SHOC1: variants seen among roughly 807,000 people sequenced by gnomAD.
SHOC1 encodes the protein protein shortage in chiasmata 1 ortholog.
SHOC1 carries 136 observed loss-of-function variants against 179.2 expected under a neutral mutation model. The ratio of observed to expected loss-of-function variants is 0.76; its 90% CI spans 0.66 to 0.87. The LOEUF is 0.87. Ranked by LOEUF, SHOC1 falls within the 40% of genes least tolerant of loss-of-function variation. The pLI is 0.00. For synonymous variants in SHOC1, 489 were observed against 586.6 expected (o/e 0.83, Z 2.41); for missense variants, 1,538 against 1,700.8 (o/e 0.90, Z 1.68).
chr9:111,706,301 GTA>G (rs1362493743), intron 20 of SHOC1, among the ~76,000 whole-genome samples: 1 of 152,050 alleles, frequency 6.6e-6, no homozygotes. Context: ...GGATATAAAT[GTA>G]ATAAAATTGT....
chr9:111,784,959 A>C (rs1008287237), intron 3 of SHOC1, among the ~76,000 whole-genome samples: 1 of 152,184 alleles, frequency 6.6e-6, no homozygotes, highest in Non-Finnish European at 1.5e-5. Flanking sequence ...ACAAACATTC[A>C]GTCTATTGCA....
Position 111,727,891 on chromosome 9 carries a change from T to C in SHOC1, c.1576A>G (p.Lys526Glu). Residue 526 changes from lysine to glutamate, a missense_variant, in exon 13 of 28, where the codon AAA (lysine) becomes GAA (glutamate). Coordinates refer to ENST00000682961, the MANE Select transcript of SHOC1 (RefSeq NM_001378211.1). ...TGGTCATTCTTTGGTTTTTCTTCTT[T>C]TGCTGCTCCTTTATCAGAGAAATAG... ...DDYFSDKGAA[K>E]EEKPKNDQEP... 1 of 1,613,178 alleles carries C rather than the reference T, an allele frequency of 6.2e-7. No homozygotes were observed. The highest frequency in any genetic ancestry group is 2.2e-5 in the East Asian group (1 of 44,774).
intron 3 of SHOC1, among the ~76,000 whole-genome samples, chr9:111,781,444 G>A (rs948213556): frequency 6.6e-6 from 1 of 152,092 alleles, no homozygotes; most frequent in Non-Finnish European, 1.5e-5. Context: ...AATTGTAGGC[G>A]GCACGTAGTG....
intron 2 of SHOC1, among the ~76,000 whole-genome samples, chr9:111,790,787 C>G (rs1180784262): frequency 6.6e-6 from 1 of 152,110 alleles, no homozygotes; most frequent in Non-Finnish European, 1.5e-5. Context: ...ACCTCATGAT[C>G]CACCCGCCTC....
intron 22 of SHOC1, among the ~76,000 whole-genome samples, chr9:111,703,148 A>G (rs1832063386): frequency 6.6e-6 from 1 of 152,212 alleles, no homozygotes; most frequent in South Asian, 2.1e-4. Flanking sequence ...TGCCAAACAG[A>G]AAAATATTGT....
intron 1 of SHOC1, among the ~76,000 whole-genome samples, chr9:111,793,476 T>C (rs573065900): frequency 6.9e-4 from 105 of 152,322 alleles, no homozygotes; most frequent in Non-Finnish European, 1.3e-3. Flanking sequence ...AGATGCCATA[T>C]GTTATATACA....
At position 111,722,444 on chromosome 9, in the gene SHOC1, T is replaced by A; in HGVS notation, c.2096A>T (p.Glu699Val). ...AGCATCACTTACTACTTTTTCTTGT[T>A]CCTTTAAGAGAAACCTTGTTTGGTC... is the stretch of plus-strand genomic sequence containing the variant. ...IFDQTRFLLKEQEKVVSDAVR... is the reference protein window; with the variant it reads ...IFDQTRFLLKVQEKVVSDAVR... The change falls in exon 15 of 28, where the codon GAA becomes GTA. Residue 699 changes from glutamate to valine, a missense_variant. Coordinates refer to ENST00000682961, the MANE Select transcript of SHOC1 (RefSeq NM_001378211.1). 6.2e-7 allele frequency: 1 copy of A among 1,608,686 alleles called. No homozygotes were observed.
rs371045237 is a variant in SHOC1 at position 111,741,531 on chromosome 9, G to A, written c.1119C>T (p.Tyr373=). Residue 373 remains tyrosine, a synonymous_variant, in exon 11 of 28, where the codon TAC becomes TAT. Transcript: ENST00000682961. ...TACATCTTTCTAATTGCCACATCAT[G>A]TAGTATTCATTAGCTGATTCTTCAG... ...LTAEESANEY[Y]MMWQLERCRS... is the part of the protein sequence containing the mutation. The A allele has an allele frequency of 6.2e-6, 10 of 1,611,762 alleles. No individual in the cohort carries two copies. The highest frequency in any genetic ancestry group is 8.5e-6 in the Non-Finnish European group (10 of 1,178,844).
At chr9:111,776,058 A>G (rs533504659) in intron 4 of SHOC1, 83 bp from the exon 5 acceptor site, 1 of 1,021,440 alleles carries the variant, frequency 9.8e-7, no homozygotes, top group South Asian at 1.5e-5. Flanking sequence ...TCCACTGTGG[A>G]AAAAATTATC....
intron 8 of SHOC1, among the ~76,000 whole-genome samples, chr9:111,754,335 A>G (rs1340881462): frequency 6.6e-6 from 1 of 152,218 alleles, no homozygotes; most frequent in Non-Finnish European, 1.5e-5. Flanking sequence ...AAGAAGATAT[A>G]CAAATAGCCA....
intron 18 of SHOC1, among the ~76,000 whole-genome samples, chr9:111,709,795 A>G (rs1832456340): frequency 6.6e-6 from 1 of 152,192 alleles, no homozygotes; most frequent in African/African-American, 2.4e-5. Flanking sequence ...CAAAGGATAA[A>G]TGCTTGAGGG....
At chr9:111,794,666 T>C (rs35339685) in intron 1 of SHOC1, among the ~76,000 whole-genome samples, 8,148 of 152,240 alleles carry the variant, frequency 0.054, 519 homozygotes, top group African/African-American at 0.15. Context: ...CAACTTCTAG[T>C]TGATGGGCTG....
chr9:111,731,715 C>T (rs1833577424), intron 12 of SHOC1, among the ~76,000 whole-genome samples: 1 of 152,070 alleles, frequency 6.6e-6, no homozygotes, highest in Non-Finnish European at 1.5e-5. Flanking sequence ...AAAGTGAGCA[C>T]ATGTTCTTCA....
At chr9:111,730,781 G>C (rs1833529846) in intron 12 of SHOC1, among the ~76,000 whole-genome samples, 4 of 152,162 alleles carry the variant, frequency 2.6e-5, no homozygotes. Context: ...AGGAGTGTCA[G>C]CCTGCCCTTT....
chr9:111,707,097 A>G (rs1357175803), intron 19 of SHOC1, among the ~76,000 whole-genome samples: 2 of 152,086 alleles, frequency 1.3e-5, no homozygotes, highest in African/African-American at 4.8e-5. Flanking sequence ...ATCTTAGATA[A>G]TTACATAATA....
chr9:111,794,010 C>T (rs1836538605), intron 1 of SHOC1, among the ~76,000 whole-genome samples: 1 of 151,498 alleles, frequency 6.6e-6, no homozygotes, highest in Non-Finnish European at 1.5e-5. Flanking sequence ...TGCCACCATG[C>T]CCGGCTAATT....
intron 16 of SHOC1, among the ~76,000 whole-genome samples, chr9:111,715,379 T>G (rs1475313755): frequency 6.6e-6 from 1 of 152,182 alleles, no homozygotes; most frequent in East Asian, 1.9e-4. Flanking sequence ...ATGTACAAGT[T>G]TTATGTATGT....
rs550947333 is a variant in SHOC1, at chr9:111,762,167, C to T, written c.443-3319G>A. On this transcript the variant is annotated intron_variant, in intron 5 of 27. Coordinates refer to ENST00000682961, the MANE Select transcript of SHOC1 (RefSeq NM_001378211.1). ...TGCTTTTGTCTAGCACGGTGGCTCA[C>T]ACCTGTAATCCCAGCACTTTGGAAG... Among the ~76,000 whole-genome samples, 22 of 132,434 alleles carry T rather than the reference C, an allele frequency of 1.7e-4. 1 individual carries two copies. The South Asian group carries it at 4.3e-3, about 26-fold the overall frequency. 86.9% of individuals were successfully genotyped at this position (132,434 alleles called of 152,430 possible).
At chr9:111,752,523 C>G (rs1486140965) in intron 8 of SHOC1, among the ~76,000 whole-genome samples, 2 of 152,180 alleles carry the variant, frequency 1.3e-5, no homozygotes, top group Non-Finnish European at 1.5e-5. Context: ...GGTGCAATGT[C>G]AGGATACAAT....
Sources: gnomAD v4.1 joint callset for allele counts (sites outside exome capture counted in the v4.1 genomes callset) on GRCh38, gnomAD v4.1.1 for gene constraint, MANE v1.5 for transcripts, NCBI Gene and HGNC (gene_info 2026-07-23, HGNC 2026-07-21) for gene names.